KCNC2: variants seen among roughly 807,000 people sequenced by gnomAD.
The protein encoded by KCNC2 is voltage-gated potassium channel KCNC2.
Under a neutral mutation model 44.5 loss-of-function variants are expected in KCNC2, and 21 were observed. The observed-to-expected ratio is 0.47, with a 90% CI of 0.33 to 0.68. The LOEUF (loss-of-function observed/expected upper bound fraction) is 0.68, where lower values mean the gene tolerates loss of function less well. Among genes scored for constraint, KCNC2 ranks in the 30% least tolerant of loss-of-function variants. The pLI is 0.01. For missense variants in KCNC2, 589 were observed against 826.2 expected, an observed-to-expected ratio of 0.71 and a Z score of 3.52; for synonymous variants, 391 against 339.1, an observed-to-expected ratio of 1.15 and a Z score of -1.68.
At chr12:75,132,127 A>G (rs1028555224) in intron 2 of KCNC2, among the ~76,000 whole-genome samples, 1 of 152,124 alleles carries the variant, frequency 6.6e-6, no homozygotes, top group Non-Finnish European at 1.5e-5. Context: ...TTCACTTGGA[A>G]AGGTGAATTA....
intron 2 of KCNC2, among the ~76,000 whole-genome samples, chr12:75,204,958 G>A (rs1461548749): frequency 6.6e-6 from 1 of 152,072 alleles, no homozygotes; most frequent in African/African-American, 2.4e-5. Flanking sequence ...GTTAATTCAA[G>A]TCCCATATTT....
At chr12:75,174,299 C>A (rs559485903) in intron 2 of KCNC2, among the ~76,000 whole-genome samples, 1 of 151,386 alleles carries the variant, frequency 6.6e-6, no homozygotes, top group Admixed American at 6.6e-5. Flanking sequence ...TAAACTTGAT[C>A]GGAATTATTG....
chr12:75,207,056 G>T lies in KCNC2; in HGVS notation c.687+241C>A, dbSNP rs981088182. ...GACATTGGCCCTCTAGGTCCCATCT[G>T]CTAAAGCAAATCTGTTTGAGTTGGG... On this transcript the variant is annotated intron_variant, in intron 2 of 4. Coordinates refer to ENST00000549446, the MANE Select transcript of KCNC2 (RefSeq NM_139137.4). The surrounding 1 kb of genome is among the most constrained non-coding windows in gnomAD (Gnocchi z 4.1). 6.6e-6 allele frequency among the ~76,000 whole-genome samples: 1 copy of T among 152,326 alleles called. No individual in the cohort carries two copies. Among genetic ancestry groups the T allele is most frequent in the Middle Eastern group, 3.4e-3 (1 of 294 alleles).
chr12:75,091,890 A>T (rs1236129218), intron 2 of KCNC2, among the ~76,000 whole-genome samples: 1 of 151,706 alleles, frequency 6.6e-6, no homozygotes, highest in Non-Finnish European at 1.5e-5. Context: ...AACTTATAAG[A>T]TCTAAACTAT....
chr12:75,198,996 C>T (rs2031011696), intron 2 of KCNC2, among the ~76,000 whole-genome samples: 1 of 151,718 alleles, frequency 6.6e-6, no homozygotes, highest in Non-Finnish European at 1.5e-5. Flanking sequence ...TAAAAGATGT[C>T]TTTGCATTTT....
At chr12:75,155,978 C>T (rs1231673021) in intron 2 of KCNC2, among the ~76,000 whole-genome samples, 1 of 151,554 alleles carries the variant, frequency 6.6e-6, no homozygotes, top group Non-Finnish European at 1.5e-5. Flanking sequence ...TACAATGAGG[C>T]ACAGTTTCTT....
In KCNC2 at chr12:75,064,744, A is replaced by G. The variant is rs568938955; in HGVS notation, c.688-13427T>C. On this transcript the variant is annotated intron_variant, in intron 2 of 4. Coordinates refer to ENST00000549446, the MANE Select transcript of KCNC2 (RefSeq NM_139137.4). ...CATTATGCTAAAAAAGGTCATGTCC[A>G]AGCTTATTTCTTATGAGAGAGTATG... Among the ~76,000 whole-genome samples the G allele has an allele frequency of 8.5e-5, 13 of 152,190 alleles. No individual in the cohort carries two copies. The East Asian group carries it at 2.5e-3, about 29-fold the overall frequency.
intron 2 of KCNC2, among the ~76,000 whole-genome samples, chr12:75,060,570 A>G (rs1347807844): frequency 6.6e-6 from 1 of 151,974 alleles, no homozygotes; most frequent in Non-Finnish European, 1.5e-5. Flanking sequence ...GGCTCAAGCA[A>G]TTCTCCCTCC....
At chr12:75,109,746 C>A (rs1887076746) in intron 2 of KCNC2, among the ~76,000 whole-genome samples, 1 of 151,852 alleles carries the variant, frequency 6.6e-6, no homozygotes. Flanking sequence ...GCCACGGAAC[C>A]CAGAAAACTG....
At chr12:75,093,761 T>G (rs1885690419) in intron 2 of KCNC2, among the ~76,000 whole-genome samples, 1 of 151,528 alleles carries the variant, frequency 6.6e-6, no homozygotes, top group African/African-American at 2.4e-5. Context: ...CCACAGAAGA[T>G]TCAAGGTTTT....
intron 2 of KCNC2, among the ~76,000 whole-genome samples, chr12:75,165,503 A>G (rs566056416): frequency 2.6e-5 from 4 of 151,644 alleles, no homozygotes; most frequent in Non-Finnish European, 5.9e-5. Context: ...GTAATTGTGT[A>G]TAGATTCTTA....
At chr12:75,111,241 T>G (rs1887213450) in intron 2 of KCNC2, among the ~76,000 whole-genome samples, 2 of 152,198 alleles carry the variant, frequency 1.3e-5, no homozygotes, top group Admixed American at 1.3e-4. Flanking sequence ...TTCTTCACCC[T>G]CCCTTCATCC....
At chr12:75,072,192 G>T (rs1883486095) in intron 2 of KCNC2, among the ~76,000 whole-genome samples, 1 of 152,096 alleles carries the variant, frequency 6.6e-6, no homozygotes, top group African/African-American at 2.4e-5. Context: ...GCCTGCCATT[G>T]TAGCTGTTCA....
At chr12:75,105,326 C>T (rs542454028) in intron 2 of KCNC2, among the ~76,000 whole-genome samples, 1 of 152,162 alleles carries the variant, frequency 6.6e-6, no homozygotes, top group South Asian at 2.1e-4. Flanking sequence ...GTAAGAAGTC[C>T]AGTGTGTCAG....
intron 2 of KCNC2, among the ~76,000 whole-genome samples, chr12:75,061,478 T>A (rs1187404959): frequency 1.3e-5 from 2 of 151,734 alleles, no homozygotes; most frequent in African/African-American, 4.8e-5. Context: ...TAGTTTCCTA[T>A]GATGAAGCAG....
chr12:75,206,583 G>A (rs1163726558), intron 2 of KCNC2, among the ~76,000 whole-genome samples: 1 of 152,198 alleles, frequency 6.6e-6, no homozygotes, highest in Non-Finnish European at 1.5e-5. Flanking sequence ...GTTAATGTAT[G>A]TTCAACCTGT....
At chr12:75,130,465 A>C (rs773736756) in intron 2 of KCNC2, among the ~76,000 whole-genome samples, 1 of 152,220 alleles carries the variant, frequency 6.6e-6, no homozygotes, top group Admixed American at 6.5e-5. Flanking sequence ...TATAAAATAA[A>C]CAAATGAATG....
chr12:75,156,867 G>T (rs80146765), intron 2 of KCNC2, among the ~76,000 whole-genome samples: 1 of 151,664 alleles, frequency 6.6e-6, no homozygotes, highest in Admixed American at 6.6e-5. Context: ...ATAATTCATC[G>T]TAGTATCATT....
intron 2 of KCNC2, among the ~76,000 whole-genome samples, chr12:75,189,602 A>G (rs928989838): frequency 7.2e-5 from 11 of 152,210 alleles, no homozygotes; most frequent in African/African-American, 2.7e-4. Context: ...TGTGCTAGGC[A>G]TCAGTAATTA....
Sources: allele counts gnomAD v4.1 joint callset (sites outside exome capture counted in the v4.1 genomes callset), GRCh38; gene constraint gnomAD v4.1.1; non-coding constraint Gnocchi (gnomAD v3.1); transcripts MANE v1.5; gene names NCBI Gene and HGNC (gene_info 2026-07-23, HGNC 2026-07-21).